RBMS3: variants seen among roughly 807,000 people sequenced by gnomAD.
RBMS3 encodes the protein RNA binding motif single stranded interacting protein 3.
RBMS3 carries 27 observed loss-of-function variants against 66.8 expected under a neutral mutation model. The ratio of observed to expected loss-of-function variants is 0.40; its 90% confidence interval spans 0.30 to 0.56. The LOEUF (loss-of-function observed/expected upper bound fraction) is 0.56, where lower values mean the gene tolerates loss of function less well. Among genes scored for constraint, RBMS3 ranks in the 20% least tolerant of loss-of-function variants. The pLI, the probability that RBMS3 is intolerant of heterozygous loss-of-function variation, is 0.40. For missense variants in RBMS3, 513 were observed against 549.5 expected (o/e 0.93, Z 0.66); for synonymous variants, 188 against 183.0 (o/e 1.03, Z -0.22).
chr3:29,692,935 C>T (rs921158715), intron 4 of RBMS3, among the ~76,000 whole-genome samples: 5 of 152,142 alleles, frequency 3.3e-5, no homozygotes, highest in African/African-American at 9.7e-5. Context: ...TTGGTACGGA[C>T]AGATCCTTTA....
intron 1 of RBMS3, among the ~76,000 whole-genome samples, chr3:29,292,428 C>T (rs558621378): frequency 6.6e-6 from 1 of 151,968 alleles, no homozygotes; most frequent in South Asian, 2.1e-4. Flanking sequence ...GAAATAACTA[C>T]TATTTTTTTA....
intron 6 of RBMS3, among the ~76,000 whole-genome samples, chr3:29,812,841 A>T (rs1356889614): frequency 6.6e-6 from 1 of 152,172 alleles, no homozygotes; most frequent in Non-Finnish European, 1.5e-5. Flanking sequence ...GAGATGGTAG[A>T]ACATATAAAT....
At chr3:29,608,116 A>G (rs147889434) in intron 4 of RBMS3, among the ~76,000 whole-genome samples, 107 of 151,842 alleles carry the variant, frequency 7.0e-4, no homozygotes, top group Non-Finnish European at 1.1e-3. Flanking sequence ...ATATTATTTT[A>G]TAATATTTAT....
intron 6 of RBMS3, among the ~76,000 whole-genome samples, chr3:29,785,404 A>G (rs1242852305): frequency 6.6e-6 from 1 of 152,064 alleles, no homozygotes; most frequent in Non-Finnish European, 1.5e-5. Flanking sequence ...TCTTAATACC[A>G]TATTATTCTT....
At chr3:29,876,478 C>G (rs972151804) in intron 7 of RBMS3, among the ~76,000 whole-genome samples, 2 of 152,046 alleles carry the variant, frequency 1.3e-5, no homozygotes, top group African/African-American at 4.8e-5. Context: ...ATTTAGCTAA[C>G]ATTTATAGAG....
intron 3 of RBMS3, among the ~76,000 whole-genome samples, chr3:29,586,164 C>T (rs2047514443): frequency 6.6e-6 from 1 of 152,034 alleles, no homozygotes; most frequent in African/African-American, 2.4e-5. Context: ...ATATGGTGAG[C>T]TTGTTAAGCA....
At chr3:29,619,895 G>A (rs1559513854) in intron 4 of RBMS3, among the ~76,000 whole-genome samples, 1 of 151,934 alleles carries the variant, frequency 6.6e-6, no homozygotes, top group Non-Finnish European at 1.5e-5. Flanking sequence ...ACGTGAGGCT[G>A]TTTGTTCTTG....
At chr3:29,492,009 A>T (rs2043566482) in intron 3 of RBMS3, among the ~76,000 whole-genome samples, 1 of 151,650 alleles carries the variant, frequency 6.6e-6, no homozygotes, top group African/African-American at 2.4e-5. Context: ...AAAAAAAGAA[A>T]TTGGACACCA....
At chr3:29,929,305 A>G (rs958097259) in intron 10 of RBMS3, among the ~76,000 whole-genome samples, 3 of 152,210 alleles carry the variant, frequency 2.0e-5, no homozygotes, top group Admixed American at 2.0e-4. Context: ...AAAGCTACTG[A>G]TAAACTTGTT....
intron 6 of RBMS3, among the ~76,000 whole-genome samples, chr3:29,848,056 G>T (rs2058833584): frequency 6.6e-6 from 1 of 152,104 alleles, no homozygotes; most frequent in African/African-American, 2.4e-5. Context: ...CCAACTCTTT[G>T]TTCACCTTTT....
In RBMS3 at chr3:29,944,257, A is replaced by G; in HGVS notation, c.1098+3A>G. The G allele has an allele frequency of 6.3e-7, 1 of 1,583,156 alleles. No individual in the cohort carries two copies. Among genetic ancestry groups the G allele is most frequent in the Non-Finnish European group, 8.7e-7 (1 of 1,152,716 alleles). On this transcript the variant is annotated splice_donor_region_variant and intron_variant, in intron 12 of 14. Coordinates refer to ENST00000383767, the MANE Select transcript of RBMS3 (RefSeq NM_001003793.3). ...TACTCCACCAGCTGTTGTGTCAGGT[A>G]GGAAAATTCTAATTCTTTTAAGACT...
intron 1 of RBMS3, among the ~76,000 whole-genome samples, chr3:29,289,362 C>T (rs569870576): frequency 2.0e-5 from 3 of 151,868 alleles, no homozygotes; most frequent in Admixed American, 6.6e-5. Context: ...CTGTCTTTAA[C>T]ACAGAAAAGA....
At chr3:29,414,791 A>G (rs553879012) in intron 1 of RBMS3, among the ~76,000 whole-genome samples, 1 of 152,344 alleles carries the variant, frequency 6.6e-6, no homozygotes, top group South Asian at 2.1e-4. Flanking sequence ...GAGAAAGACT[A>G]TCAGTCAAGC....
chr3:29,645,091 A>T (rs1379436754), intron 4 of RBMS3, among the ~76,000 whole-genome samples: 1 of 152,204 alleles, frequency 6.6e-6, no homozygotes, highest in East Asian at 1.9e-4. Context: ...AATAAAAAGA[A>T]TACCAGTTCC....
At chr3:29,414,124 A>G (rs2040382631) in intron 1 of RBMS3, among the ~76,000 whole-genome samples, 1 of 152,160 alleles carries the variant, frequency 6.6e-6, no homozygotes, top group South Asian at 2.1e-4. Flanking sequence ...GTCCTTTCTA[A>G]TCACTGTTGA....
At chr3:29,683,427 C>T (rs1452600072) in intron 4 of RBMS3, among the ~76,000 whole-genome samples, 1 of 152,026 alleles carries the variant, frequency 6.6e-6, no homozygotes, top group African/African-American at 2.4e-5. Flanking sequence ...CCAAATTGAA[C>T]AATAGCAGTG....
intron 5 of RBMS3, among the ~76,000 whole-genome samples, chr3:29,743,421 G>A (rs1430431781): frequency 6.6e-6 from 1 of 152,140 alleles, no homozygotes; most frequent in Non-Finnish European, 1.5e-5. Flanking sequence ...GATGTCTTGG[G>A]ACAGTGGTTC....
intron 10 of RBMS3, among the ~76,000 whole-genome samples, chr3:29,928,180 TTATATATA>T (rs1199975605): frequency 7.5e-4 from 77 of 102,572 alleles, no homozygotes; most frequent in African/African-American, 1.7e-3. Flanking sequence ...TCTTCAAATT[TTATATATA>T]TATATATATA....
chr3:29,815,701 C>A, intron 6 of RBMS3, among the ~76,000 whole-genome samples: 1 of 151,992 alleles, frequency 6.6e-6, no homozygotes, highest in South Asian at 2.1e-4. Context: ...ACCAAATATC[C>A]TTTGTTCTCA....
Sources: gnomAD v4.1 joint callset for allele counts (sites outside exome capture counted in the v4.1 genomes callset) on GRCh38, gnomAD v4.1.1 for gene constraint, MANE v1.5 for transcripts, NCBI Gene and HGNC (gene_info 2026-07-23, HGNC 2026-07-21) for gene names.